CADPS: variants seen among roughly 807,000 people sequenced by gnomAD.
CADPS encodes the protein calcium dependent secretion activator, also known as calcium-dependent secretion activator 1.
CADPS carries 57 observed loss-of-function variants against 167.3 expected under a neutral mutation model. The ratio of observed to expected loss-of-function variants is 0.34; its 90% CI spans 0.28 to 0.42. The LOEUF is 0.42. Among genes scored for constraint, CADPS ranks in the 20% least tolerant of loss-of-function variants. CADPS has a pLI of 1.00. For synonymous variants in CADPS, 676 were observed against 635.3 expected, an observed-to-expected ratio of 1.06 and a Z score of -0.96; for missense variants, 1,414 against 1,738.1, an observed-to-expected ratio of 0.81 and a Z score of 3.32.
Position 62,458,082 on chromosome 3 carries a change from T to A in CADPS, c.3636+7285A>T, listed in dbSNP as rs879608297. 5.9e-5 allele frequency among the ~76,000 whole-genome samples: 9 copies of A among 152,000 alleles called. No homozygotes were observed. Among genetic ancestry groups the A allele is most frequent in the Admixed American group, 2.6e-4 (4 of 15,238 alleles). ...GTATCCCAGAACTTGAAGTATAATT[T>A]AAAAAAAAATTTTTAAAAAAGCACC... is the stretch of plus-strand genomic sequence containing the variant. On this transcript the variant is annotated intron_variant, in intron 26 of 29. Coordinates refer to ENST00000383710, the MANE Select transcript of CADPS (RefSeq NM_003716.4). The surrounding 1 kb of genome is among the most constrained non-coding windows in gnomAD (Gnocchi z 4.6).
At chr3:62,727,622 C>G (rs2076985107) in intron 3 of CADPS, among the ~76,000 whole-genome samples, 1 of 151,812 alleles carries the variant, frequency 6.6e-6, no homozygotes. Flanking sequence ...TAGGGCTTTT[C>G]CTCATTTAGA....
chr3:62,436,997 A>C (rs1398843034), intron 28 of CADPS, among the ~76,000 whole-genome samples: 1 of 151,950 alleles, frequency 6.6e-6, no homozygotes, highest in African/African-American at 2.4e-5. Context: ...GTGGAACAAA[A>C]ACACACACAC....
chr3:62,705,030 G>T (rs1449886796), intron 3 of CADPS, among the ~76,000 whole-genome samples: 1 of 152,046 alleles, frequency 6.6e-6, no homozygotes, highest in Non-Finnish European at 1.5e-5. Flanking sequence ...GATGATGCTT[G>T]GGATTCCAGC....
At chr3:62,625,159 C>A (rs1446165413) in intron 6 of CADPS, 1 of 149,564 alleles carries the variant, frequency 6.7e-6, no homozygotes, top group East Asian at 1.9e-4. Context: ...CACATGTACA[C>A]CTGAATTTTA....
intron 6 of CADPS, among the ~76,000 whole-genome samples, chr3:62,632,782 T>A (rs557312926): frequency 6.6e-6 from 1 of 152,218 alleles, no homozygotes; most frequent in South Asian, 2.1e-4. Flanking sequence ...GTTTATTTTT[T>A]TTGGTTAGGT....
At chr3:62,621,571 T>G (rs1477046467) in intron 6 of CADPS, among the ~76,000 whole-genome samples, 5 of 152,154 alleles carry the variant, frequency 3.3e-5, no homozygotes, top group African/African-American at 1.2e-4. Flanking sequence ...TAATTACAAT[T>G]TTCAGGTGAT....
intron 11 of CADPS, among the ~76,000 whole-genome samples, chr3:62,541,839 T>C (rs1415353233): frequency 2.0e-5 from 3 of 152,188 alleles, no homozygotes; most frequent in African/African-American, 7.2e-5. Flanking sequence ...TTTTTCATGA[T>C]CTATTATCTC....
intron 16 of CADPS, 108 bp downstream of exon 16, chr3:62,515,951 T>C: frequency 1.5e-6 from 2 of 1,351,278 alleles, no homozygotes; most frequent in African/African-American, 1.5e-5. Flanking sequence ...CAGCTTAATA[T>C]ACTCAGACGG....
At chr3:62,872,072 TTCTC>T (rs957138100) in intron 1 of CADPS, among the ~76,000 whole-genome samples, 12 of 151,490 alleles carry the variant, frequency 7.9e-5, no homozygotes, top group East Asian at 3.9e-4. Flanking sequence ...ATAGATCTCG[TTCTC>T]TCTCTCTCTG....
At chr3:62,856,816 T>C (rs1188725977) in intron 1 of CADPS, among the ~76,000 whole-genome samples, 1 of 151,742 alleles carries the variant, frequency 6.6e-6, no homozygotes, top group Non-Finnish European at 1.5e-5. Flanking sequence ...CATTCATACG[T>C]CATTCATTAC....
At position 62,421,940 on chromosome 3, in the gene CADPS, C is replaced by A. The variant is rs545233566; in HGVS notation, c.3777+16164G>T. 6.6e-6 allele frequency among the ~76,000 whole-genome samples: 1 copy of A among 152,298 alleles called. No individual in the cohort carries two copies. Among genetic ancestry groups the A allele is most frequent in the East Asian group, 1.9e-4 (1 of 5,182 alleles). On this transcript the variant is annotated intron_variant, in intron 28 of 29. Coordinates refer to ENST00000383710, the MANE Select transcript of CADPS (RefSeq NM_003716.4). This position sits in a 1 kb window ranked among gnomAD's most constrained non-coding sequence, Gnocchi z 4.7. ...TTTTATTCTTTTTTCCTTTGTAAAG[C>A]AGGTTGTGTTATTTACATATTTCTT...
chr3:62,814,554 G>A lies in CADPS; in HGVS notation c.442-48570C>T, dbSNP rs146384660. 439 of 152,138 alleles carry A rather than the reference G, an allele frequency of 2.9e-3. 3 individuals carry two copies. Among genetic ancestry groups the A allele is most frequent in the African/African-American group, 0.01 (424 of 41,526 alleles). The allele number at this position is 152,138 out of a possible 1,614,324, so 9.4% of individuals were successfully genotyped here. On this transcript the variant is annotated intron_variant, in intron 1 of 29. Coordinates refer to ENST00000383710, the MANE Select transcript of CADPS (RefSeq NM_003716.4). Reference sequence around the variant, plus strand: ...AATATATAATCTCTTCTAAATCTGTGTGTTTCACATGTACGGTGCATCTTG... The same window carrying A: ...AATATATAATCTCTTCTAAATCTGTATGTTTCACATGTACGGTGCATCTTG...
chr3:62,549,134 G>A (rs1434060125), intron 11 of CADPS, among the ~76,000 whole-genome samples: 1 of 152,138 alleles, frequency 6.6e-6, no homozygotes, highest in African/African-American at 2.4e-5. Flanking sequence ...GATATTCAGG[G>A]TAAAGCAAAA....
intron 1 of CADPS, among the ~76,000 whole-genome samples, chr3:62,792,322 G>C (rs2093019742): frequency 6.6e-6 from 1 of 151,318 alleles, no homozygotes. Flanking sequence ...TCTCACCTTA[G>C]CCTCCTGAGC....
At chr3:62,649,534 A>T (rs1267170665) in intron 5 of CADPS, among the ~76,000 whole-genome samples, 1 of 133,084 alleles carries the variant, frequency 7.5e-6, no homozygotes, top group Admixed American at 8.0e-5. Flanking sequence ...GAATCATACA[A>T]TATGTGGTCT....
intron 21 of CADPS, among the ~76,000 whole-genome samples, chr3:62,483,332 G>A (rs1442288455): frequency 7.3e-6 from 1 of 137,682 alleles, no homozygotes; most frequent in Non-Finnish European, 1.6e-5. Context: ...GTAGGGGAGT[G>A]GGGGAGTGGG....
intron 28 of CADPS, among the ~76,000 whole-genome samples, chr3:62,418,650 T>A (rs952154705): frequency 6.6e-6 from 1 of 151,960 alleles, no homozygotes; most frequent in South Asian, 2.1e-4. Context: ...TGATAAATAA[T>A]GTTTTCTATA....
At chr3:62,731,835 A>AAAAAAAAAAAAAAAAAAAAAAGAAG (rs568495417) in intron 3 of CADPS, among the ~76,000 whole-genome samples, 1 of 110,242 alleles carries the variant, frequency 9.1e-6, no homozygotes. Flanking sequence ...AAAAAAGTAA[A>AAAAAAAAAAAAAAAAAAAAAAGAAG]GAAGGAAGAA....
intron 6 of CADPS, among the ~76,000 whole-genome samples, chr3:62,613,407 C>CGTCCTCATA (rs2061780328): frequency 6.6e-6 from 1 of 152,098 alleles, no homozygotes; most frequent in African/African-American, 2.4e-5. Context: ...GAAGAAGGGT[C>CGTCCTCATA]GTCCTCATAA....
Sources: allele counts gnomAD v4.1 joint callset (sites outside exome capture counted in the v4.1 genomes callset), GRCh38; gene constraint gnomAD v4.1.1; non-coding constraint Gnocchi (gnomAD v3.1); transcripts MANE v1.5; gene names NCBI Gene and HGNC (gene_info 2026-07-23, HGNC 2026-07-21).